The following MRE11 variants were observed in gnomAD, a reference collection of about 807,000 sequenced individuals.
The protein encoded by MRE11 is MRE11 double strand break repair nuclease.
MRE11 carries 62 observed loss-of-function variants against 91.7 expected under a neutral mutation model. The ratio of observed to expected loss-of-function variants is 0.68; its 90% CI spans 0.55 to 0.84. MRE11 has a LOEUF of 0.84. Among genes scored for constraint, MRE11 ranks in the 40% least tolerant of loss-of-function variants. The pLI, the probability that MRE11 is intolerant of heterozygous loss-of-function variation, is 0.00. For missense variants in MRE11, 796 were observed against 852.9 expected, an observed-to-expected ratio of 0.93 and a Z score of 0.83; for synonymous variants, 273 against 271.4, an observed-to-expected ratio of 1.01 and a Z score of -0.06.
chr11:94,447,502 AT>A, intron 14 of MRE11, 64 bp from the exon 15 acceptor site: 1 of 1,464,326 alleles, frequency 6.8e-7, no homozygotes, highest in Non-Finnish European at 9.6e-7. Context: ...AAAATCATTA[AT>A]TTAGGCATTG....
chr11:94,482,476 A>G (rs1237910817), intron 4 of MRE11, among the ~76,000 whole-genome samples: 1 of 152,204 alleles, frequency 6.6e-6, no homozygotes, highest in Non-Finnish European at 1.5e-5. Flanking sequence ...AACTACTGAA[A>G]ACTGTGCTTC....
intron 14 of MRE11, among the ~76,000 whole-genome samples, chr11:94,453,869 C>G: frequency 6.6e-6 from 1 of 151,960 alleles, no homozygotes; most frequent in Non-Finnish European, 1.5e-5. Context: ...GCCAGGTAAA[C>G]TAACGACTGT....
In MRE11 at chr11:94,492,850, C is replaced by G. The variant is rs765527943; in HGVS notation, c.-49G>C. The G allele has an allele frequency of 6.4e-6, 10 of 1,564,476 alleles. No homozygotes were observed. The African/African-American group carries it at 1.4e-4, about 21-fold the overall frequency. On this transcript the variant is annotated 5_prime_UTR_variant, in exon 2 of 20. Transcript: ENST00000323929. ...TGGGACCAGGTTCTTCTCCAAGAAC[C>G]CCTGGGTACTGTACTCAAATGTCAG...
intron 11 of MRE11, among the ~76,000 whole-genome samples, chr11:94,462,315 G>T (rs934789319): frequency 2.0e-5 from 3 of 152,156 alleles, no homozygotes; most frequent in African/African-American, 7.2e-5. Flanking sequence ...CATGCTCATG[G>T]ATAGGAAGAA....
intron 9 of MRE11, among the ~76,000 whole-genome samples, chr11:94,468,429 G>A (rs1456468459): frequency 6.6e-6 from 1 of 152,116 alleles, no homozygotes; most frequent in Non-Finnish European, 1.5e-5. Context: ...TTGTTCTTAA[G>A]GGTAAAACCA....
intron 14 of MRE11, among the ~76,000 whole-genome samples, chr11:94,448,455 G>C (rs1946005969): frequency 6.6e-6 from 1 of 151,828 alleles, no homozygotes. Context: ...AAATTAGCCA[G>C]GTGTGATGGC....
intron 13 of MRE11, 144 bp from the exon 14 acceptor site, chr11:94,456,482 A>G: frequency 1.4e-6 from 1 of 707,234 alleles, no homozygotes; most frequent in Non-Finnish European, 2.4e-6. Context: ...ATATTTTTCC[A>G]ATTATTAACG....
Position 94,447,387 on chromosome 11 carries a change from C to T in MRE11, c.1615G>A (p.Ala539Thr). The change falls in exon 15 of 20, where the codon GCC becomes ACC. Residue 539 changes from alanine (A) to threonine (T), a missense_variant. Physicochemically the swap from Ala to Thr is moderately conservative, Grantham distance 58 (BLOSUM62 0). Transcript: ENST00000323929. ...CTCATAAGGTCATCAGCACTAAAGG[C>T]AGAAGCAGACTCCTCTGACTGAGAT... ...LRSQSEESAS[A>T]FSADDLMSID... 1 of 1,614,132 alleles carries T rather than the reference C, an allele frequency of 6.2e-7. No homozygotes were observed. Among genetic ancestry groups the T allele is most frequent in the Non-Finnish European group, 8.5e-7 (1 of 1,180,018 alleles).
intron 10 of MRE11, among the ~76,000 whole-genome samples, chr11:94,465,801 T>C (rs1321347484): frequency 6.6e-6 from 1 of 152,230 alleles, no homozygotes; most frequent in Non-Finnish European, 1.5e-5. Flanking sequence ...TGTTTGGTCA[T>C]AACAAATTTT....
chr11:94,505,721 A>AGGCCATCACATTT, the MRE11 span, among the ~76,000 whole-genome samples: 10 of 152,236 alleles, frequency 6.6e-5, no homozygotes, highest in Non-Finnish European at 1.2e-4. Context: ...GTAATGTCTT[A>AGGCCATCACATTT]GGCCATCACA....
intron 14 of MRE11, among the ~76,000 whole-genome samples, chr11:94,455,901 T>C (rs575328388): frequency 2.0e-5 from 3 of 152,264 alleles, no homozygotes; most frequent in South Asian, 4.1e-4. Context: ...TTATTTTTAT[T>C]TATTTATTTT....
At chr11:94,501,925 ATTG>A in the MRE11 span, among the ~76,000 whole-genome samples, 14 of 152,162 alleles carry the variant, frequency 9.2e-5, no homozygotes, top group Admixed American at 5.9e-4. Flanking sequence ...TCGAAATCAT[ATTG>A]TTTTTTTAAA....
chr11:94,512,275 G>A, the MRE11 span, among the ~76,000 whole-genome samples: 2 of 152,200 alleles, frequency 1.3e-5, no homozygotes, highest in African/African-American at 4.8e-5. Context: ...TGCCGAGCTC[G>A]TGTGAGAAAT....
chr11:94,464,277 A>G (rs1162900910), intron 10 of MRE11, 38 bp from the exon 11 acceptor site: 1 of 1,613,206 alleles, frequency 6.2e-7, no homozygotes, highest in South Asian at 1.1e-5. Context: ...CTAGGAAACA[A>G]CAATTTGCCA....
At chr11:94,462,517 G>A (rs1946448331) in intron 11 of MRE11, among the ~76,000 whole-genome samples, 1 of 152,114 alleles carries the variant, frequency 6.6e-6, no homozygotes, top group Non-Finnish European at 1.5e-5. Context: ...CACCCTACCT[G>A]ACTTCAAACT....
chr11:94,493,932 G>A (rs12708334), upstream of MRE11: 1 of 152,246 alleles, frequency 6.6e-6, no homozygotes, highest in African/African-American at 2.4e-5. Flanking sequence ...AGGGGGCGGG[G>A]AAAGTAGCGG....
At chr11:94,445,729 CAAAT>C in intron 16 of MRE11, 77 bp downstream of exon 16, 1 of 1,041,740 alleles carries the variant, frequency 9.6e-7, no homozygotes, top group South Asian at 1.3e-5. Context: ...GATTGCAACA[CAAAT>C]AAGGGCTACC....
At chr11:94,481,366 A>G (rs1346597752) in intron 4 of MRE11, among the ~76,000 whole-genome samples, 1 of 152,170 alleles carries the variant, frequency 6.6e-6, no homozygotes. Context: ...AAGTATGTCC[A>G]TATTCTTTAT....
chr11:94,482,777 C>T (rs553325047), intron 4 of MRE11, among the ~76,000 whole-genome samples: 5 of 151,764 alleles, frequency 3.3e-5, no homozygotes, highest in East Asian at 1.9e-4. Context: ...CTACTAAAAA[C>T]GCATAAAAAA....
Sources: gnomAD v4.1 joint callset for allele counts (sites outside exome capture counted in the v4.1 genomes callset) on GRCh38, gnomAD v4.1.1 for gene constraint, MANE v1.5 for transcripts, NCBI Gene and HGNC (gene_info 2026-07-23, HGNC 2026-07-21) for gene names.